SLC16A9: variants seen among roughly 807,000 people sequenced by gnomAD.
SLC16A9 encodes monocarboxylate transporter 9.
Under a neutral mutation model 44.3 loss-of-function variants are expected in SLC16A9, and 26 were observed. The observed-to-expected ratio is 0.59, with a 90% CI of 0.43 to 0.81. SLC16A9 has a LOEUF of 0.81. Ranked by LOEUF, SLC16A9 falls within the 40% of genes least tolerant of loss-of-function variation. SLC16A9 has a pLI of 0.00. For synonymous variants in SLC16A9, 230 were observed against 225.1 expected (o/e 1.02, Z -0.19); for missense variants, 559 against 595.8 (o/e 0.94, Z 0.64).
At chr10:59,698,223 A>C (rs1221248615) in intron 1 of SLC16A9, among the ~76,000 whole-genome samples, 1 of 152,190 alleles carries the variant, frequency 6.6e-6, no homozygotes, top group Non-Finnish European at 1.5e-5. Context: ...AGAACACTTA[A>C]ACAAAACTTT....
At chr10:59,653,425 C>CTAAAAAAAAAAAAAAA (rs1839259364) in intron 5 of SLC16A9, among the ~76,000 whole-genome samples, 1 of 36,764 alleles carries the variant, frequency 2.7e-5, no homozygotes, top group Non-Finnish European at 6.7e-5. Context: ...AACTCCGTCT[C>CTAAAAAAAAAAAAAAA]AAAAAAAAAA....
chr10:59,689,613 C>T (rs958622461), intron 1 of SLC16A9, among the ~76,000 whole-genome samples: 4 of 152,184 alleles, frequency 2.6e-5, no homozygotes, highest in African/African-American at 4.8e-5. Flanking sequence ...ACTACGTTGA[C>T]CTCCTAGAGA....
At chr10:59,696,294 G>C (rs1171636) in intron 1 of SLC16A9, among the ~76,000 whole-genome samples, 44,181 of 152,122 alleles carry the variant, frequency 0.29, 7,145 homozygotes, top group East Asian at 0.62. Flanking sequence ...TTGGTGGAGA[G>C]GGGGTTTCGC....
Position 59,652,419 on chromosome 10 carries a change from C to A in SLC16A9, c.*353G>T. On this transcript the variant is annotated 3_prime_UTR_variant, in exon 6 of 6. Transcript: ENST00000395348. Reference sequence around the variant, plus strand: ...AAAATAGGAGCAGTCTCTCTAGGTGCCTTGCAGTGGATTAAATGGAGTCGG... The same window carrying A: ...AAAATAGGAGCAGTCTCTCTAGGTGACTTGCAGTGGATTAAATGGAGTCGG... The A allele has an allele frequency of 6.1e-6, 1 of 163,652 alleles. No individual in the cohort carries two copies. Among genetic ancestry groups the A allele is most frequent in the Non-Finnish European group, 1.3e-5 (1 of 76,008 alleles). The allele number at this position is 163,652 out of a possible 1,614,324, so 10.1% of individuals were successfully genotyped here.
chr10:59,668,664 G>A (rs980931982), intron 3 of SLC16A9, among the ~76,000 whole-genome samples: 3 of 152,044 alleles, frequency 2.0e-5, no homozygotes, highest in Non-Finnish European at 4.4e-5. Context: ...AAAATTAAGA[G>A]ACATAAAAAA....
intron 1 of SLC16A9, among the ~76,000 whole-genome samples, chr10:59,689,980 T>C (rs1347981917): frequency 6.6e-6 from 1 of 152,202 alleles, no homozygotes; most frequent in Non-Finnish European, 1.5e-5. Context: ...AAACTTCCAC[T>C]AAGCCCATTT....
intron 5 of SLC16A9, among the ~76,000 whole-genome samples, chr10:59,653,265 C>CA (rs199852561): frequency 0.028 from 4,133 of 146,734 alleles, 105 homozygotes; most frequent in South Asian, 0.048. Flanking sequence ...TAAACAACAA[C>CA]AACAAAAAAC....
rs375185003 is a variant in SLC16A9 at position 59,674,435 on chromosome 10, C to A, written c.197-1522G>T. ...TAAATTGGACCCTCCCATTTTCAGG[C>A]CCTCTTGTGTGAGTCAGCGCAGAAG... On this transcript the variant is annotated intron_variant, in intron 2 of 5. Transcript: ENST00000395348. 5.3e-5 allele frequency among the ~76,000 whole-genome samples: 8 copies of A among 152,230 alleles called. No individual in the cohort carries two copies. In the East Asian group the frequency reaches 1.5e-3, roughly 29 times the overall value.
intron 2 of SLC16A9, among the ~76,000 whole-genome samples, chr10:59,683,002 T>A (rs1840056702): frequency 6.6e-6 from 1 of 152,230 alleles, no homozygotes; most frequent in African/African-American, 2.4e-5. Context: ...TTGGAGGCAT[T>A]GCTTTTTTTG....
At chr10:59,666,584 C>T (rs1398496971) in intron 3 of SLC16A9, among the ~76,000 whole-genome samples, 1 of 152,156 alleles carries the variant, frequency 6.6e-6, no homozygotes, top group Admixed American at 6.5e-5. Context: ...CTAGACACTT[C>T]ATAGGCTTCA....
chr10:59,709,018 C>A (rs747793479), intron 1 of SLC16A9, among the ~76,000 whole-genome samples: 4 of 152,198 alleles, frequency 2.6e-5, no homozygotes, highest in Admixed American at 6.5e-5. Context: ...CCCAACCCTC[C>A]GGGGGCACCT....
intron 2 of SLC16A9, among the ~76,000 whole-genome samples, chr10:59,679,490 T>G (rs1839940509): frequency 6.6e-6 from 1 of 152,204 alleles, no homozygotes; most frequent in Non-Finnish European, 1.5e-5. Flanking sequence ...GTTGGAACTC[T>G]CAGGGATAGG....
Position 59,709,833 on chromosome 10 carries a change from G to A in SLC16A9, c.-391C>T, listed in dbSNP as rs1840727622. 1 of 152,564 alleles carries A rather than the reference G, an allele frequency of 6.6e-6. No individual in the cohort carries two copies. The highest frequency in any genetic ancestry group is 2.4e-5 in the African/African-American group (1 of 41,466). The allele number at this position is 152,564 out of a possible 1,614,324, so 9.5% of individuals were successfully genotyped here. The stretch of plus-strand genomic sequence containing the variant: ...TTTTTCTCCCTTGTCTCTCTTTGCG[G>A]GGCACCCCGGCCAGTCTGAACCGGT... On this transcript the variant is annotated 5_prime_UTR_variant, in exon 1 of 6. Coordinates refer to ENST00000395348, the MANE Select transcript of SLC16A9 (RefSeq NM_194298.3).
At position 59,651,062 on chromosome 10, in the gene SLC16A9, T is replaced by C. The variant is rs567704290; in HGVS notation, c.*1710A>G. ...CTAAAGAATGAGGTACAGAAAACTT[T>C]CCAGAAGTCTGAGTGTGGTGTAGAA... On this transcript the variant is annotated 3_prime_UTR_variant, in exon 6 of 6. Coordinates refer to ENST00000395348, the MANE Select transcript of SLC16A9 (RefSeq NM_194298.3). 22 of 152,246 alleles carry C rather than the reference T, an allele frequency of 1.4e-4. No individual in the cohort carries two copies. In the South Asian group the frequency reaches 3.3e-3, roughly 23 times the overall value. The allele number at this position is 152,246 out of a possible 1,614,324, so 9.4% of individuals were successfully genotyped here.
intron 3 of SLC16A9, 64 bp from the exon 4 acceptor site, chr10:59,664,386 G>A: frequency 1.8e-6 from 2 of 1,132,180 alleles, no homozygotes; most frequent in Admixed American, 2.0e-5. Context: ...GAGAAAAAAG[G>A]AAAAACAAGT....
chr10:59,656,308 ATTTC>A (rs2132401998), intron 4 of SLC16A9, among the ~76,000 whole-genome samples: 1 of 152,318 alleles, frequency 6.6e-6, no homozygotes, highest in African/African-American at 2.4e-5. Flanking sequence ...ATTTTTGCCT[ATTTC>A]TTTGTACAGA....
rs1350031339 is a variant in SLC16A9 at position 59,652,714 on chromosome 10, T to C, written c.*58A>G. The C allele has an allele frequency of 8.9e-6, 13 of 1,454,874 alleles. No homozygotes were observed. Among genetic ancestry groups the C allele is most frequent in the Non-Finnish European group, 1.1e-5 (12 of 1,089,582 alleles). The allele number at this position is 1,454,874 out of a possible 1,614,324, so 90.1% of individuals were successfully genotyped here. On this transcript the variant is annotated 3_prime_UTR_variant, in exon 6 of 6. Coordinates refer to ENST00000395348, the MANE Select transcript of SLC16A9 (RefSeq NM_194298.3). ...TCTAGAAAATTTGCTTGAGAATCTGTTAAAATATCGTTGCTATATGGTATA... is the reference window on the plus strand; with the variant it reads ...TCTAGAAAATTTGCTTGAGAATCTGCTAAAATATCGTTGCTATATGGTATA...
chr10:59,662,647 A>G (rs1439500156), intron 4 of SLC16A9, among the ~76,000 whole-genome samples: 1 of 147,494 alleles, frequency 6.8e-6, no homozygotes, highest in East Asian at 2.0e-4. Flanking sequence ...AAAAAAAAAA[A>G]AAAAAAGAAA....
At position 59,681,814 on chromosome 10, in the gene SLC16A9, A is replaced by ATG. The variant is rs1308366813; in HGVS notation, c.196+2281_196+2282insCA. Among the ~76,000 whole-genome samples, 16 of 36,714 alleles carry ATG rather than the reference A, an allele frequency of 4.4e-4. 3 individuals carry two copies. The highest frequency in any genetic ancestry group is 1.0e-3 in the East Asian group (1 of 968). The allele number at this position is 36,714 out of a possible 152,430, so 24.1% of individuals were successfully genotyped here. A position where few individuals can be genotyped will look rare whatever the true frequency, so the allele number is the denominator to read the frequency against. On this transcript the variant is annotated intron_variant, in intron 2 of 5. Transcript: ENST00000395348. ...TATGTATATGTATATGTATATGTAT[A>ATG]TATGATGTATATGTATATGTATATG...
Sources: gnomAD v4.1 joint callset for allele counts (sites outside exome capture counted in the v4.1 genomes callset) on GRCh38, gnomAD v4.1.1 for gene constraint, MANE v1.5 for transcripts, NCBI Gene and HGNC (gene_info 2026-07-23, HGNC 2026-07-21) for gene names.